Variants in SUFU observed in about 807,000 individuals in gnomAD.
The protein encoded by SUFU is suppressor of fused homolog.
A neutral mutation model predicts 58.9 loss-of-function variants in SUFU; 7 were observed. The ratio of observed to expected loss-of-function variants is 0.12; its 90% CI spans 0.07 to 0.22. The LOEUF is 0.22. Ranked by LOEUF, SUFU falls within the 10% of genes least tolerant of loss-of-function variation. SUFU has a pLI of 1.00. For missense variants in SUFU, 451 were observed against 641.3 expected (o/e 0.70, Z 3.20); for synonymous variants, 232 against 254.8 (o/e 0.91, Z 0.85).
chr10:102,540,300 A>G (rs919702859), intron 2 of SUFU, among the ~76,000 whole-genome samples: 3 of 152,120 alleles, frequency 2.0e-5, no homozygotes, highest in Non-Finnish European at 2.9e-5. Flanking sequence ...CTCTATTTCC[A>G]TATTGGTTTC....
chr10:102,613,802 G>C (rs974654870), intron 8 of SUFU, among the ~76,000 whole-genome samples: 1 of 152,226 alleles, frequency 6.6e-6, no homozygotes, highest in Non-Finnish European at 1.5e-5. Context: ...GCAAATCTTA[G>C]AATGCAAAGG....
At chr10:102,574,467 G>A (rs1272673454) in intron 3 of SUFU, among the ~76,000 whole-genome samples, 2 of 152,144 alleles carry the variant, frequency 1.3e-5, no homozygotes, top group South Asian at 4.1e-4. Context: ...CAAATATATG[G>A]CCAGGCGTTG....
intron 2 of SUFU, among the ~76,000 whole-genome samples, chr10:102,515,729 C>G (rs952897174): frequency 6.6e-6 from 1 of 152,166 alleles, no homozygotes; most frequent in Admixed American, 6.5e-5. Context: ...TCCTAGAGCT[C>G]TCATGAGGCT....
rs2063852240 is a variant in SUFU at position 102,633,204 on chromosome 10, G to A, written c.*3049G>A. ...CTAGGACATCCATGCCAGGTGAGGT[G>A]CCTGGGTCCCTGTTACAAGTCAGGA... On this transcript the variant is annotated 3_prime_UTR_variant, in exon 12 of 12. Coordinates refer to ENST00000369902, the MANE Select transcript of SUFU (RefSeq NM_016169.4). 4.3e-6 allele frequency: 1 copy of A among 233,296 alleles called. No individual in the cohort carries two copies. The highest frequency in any genetic ancestry group is 8.5e-6 in the Non-Finnish European group (1 of 117,926). 14.5% of individuals were successfully genotyped at this position (233,296 alleles called of 1,614,324 possible). A position where few individuals can be genotyped will look rare whatever the true frequency, so the allele number is the denominator to read the frequency against.
At chr10:102,566,095 G>A (rs1030248086) in intron 3 of SUFU, among the ~76,000 whole-genome samples, 2 of 152,224 alleles carry the variant, frequency 1.3e-5, no homozygotes, top group Admixed American at 6.5e-5. Context: ...GCACTTTGAT[G>A]ACTGGAAACT....
At chr10:102,545,601 AAC>A (rs2062847364) in intron 2 of SUFU, among the ~76,000 whole-genome samples, 1 of 152,124 alleles carries the variant, frequency 6.6e-6, no homozygotes. Flanking sequence ...CGTCCTCTCT[AAC>A]ACTTACTATC....
chr10:102,612,220 T>C (rs1276383870), intron 8 of SUFU, among the ~76,000 whole-genome samples: 1 of 149,314 alleles, frequency 6.7e-6, no homozygotes, highest in Non-Finnish European at 1.5e-5. Context: ...CACGCGCATG[T>C]GTGTGTGTGT....
intron 8 of SUFU, among the ~76,000 whole-genome samples, chr10:102,614,512 C>G (rs1380760650): frequency 6.7e-6 from 1 of 150,344 alleles, no homozygotes; most frequent in Non-Finnish European, 1.5e-5. Context: ...GAGCCAAGAT[C>G]GTGCCACTGC....
At position 102,569,334 on chromosome 10, in the gene SUFU, C is replaced by T. The variant is rs1334028653; in HGVS notation, c.454+19228C>T. 2.0e-5 allele frequency among the ~76,000 whole-genome samples: 3 copies of T among 152,060 alleles called. No homozygotes were observed. The East Asian group carries it at 5.8e-4, about 29-fold the overall frequency. ...AGGCACTGAGGAAGCACTGTGTAGT[C>T]TTTCAAGTCCGTAAAATAAGACACA... On this transcript the variant is annotated intron_variant, in intron 3 of 11. Coordinates refer to ENST00000369902, the MANE Select transcript of SUFU (RefSeq NM_016169.4).
chr10:102,524,387 G>A (rs1053782283), intron 2 of SUFU, among the ~76,000 whole-genome samples: 1 of 145,798 alleles, frequency 6.9e-6, no homozygotes, highest in Non-Finnish European at 1.5e-5. Context: ...GTGCAGTGGT[G>A]CAATCTCGGC....
intron 7 of SUFU, among the ~76,000 whole-genome samples, chr10:102,598,157 TC>T (rs1425931152): frequency 6.6e-6 from 1 of 152,094 alleles, no homozygotes; most frequent in Non-Finnish European, 1.5e-5. Context: ...TTGAGCCCTT[TC>T]TTTTTTTTTT....
intron 8 of SUFU, among the ~76,000 whole-genome samples, chr10:102,601,108 C>T (rs536551504): frequency 6.6e-6 from 1 of 152,238 alleles, no homozygotes; most frequent in Non-Finnish European, 1.5e-5. Context: ...TGGACACAGT[C>T]TCAGTCCAGA....
chr10:102,504,438 T>A, intron 1 of SUFU, 104 bp downstream of exon 1: 1 of 1,546,070 alleles, frequency 6.5e-7, no homozygotes, highest in South Asian at 1.2e-5. Context: ...TAGAGAATGG[T>A]TAAAGCACTC....
chr10:102,607,693 C>T lies in SUFU; in HGVS notation c.1023-7575C>T, dbSNP rs138763710. Among the ~76,000 whole-genome samples the T allele has an allele frequency of 7.2e-3, 1,090 of 152,270 alleles. 16 individuals carry two copies. The highest frequency in any genetic ancestry group is 0.011 in the South Asian group (54 of 4,832). On this transcript the variant is annotated intron_variant, in intron 8 of 11. Coordinates refer to ENST00000369902, the MANE Select transcript of SUFU (RefSeq NM_016169.4). ...CTTTGAGAGGCCAAGGCGTGCAGAT[C>T]ACTTGAGGTCAGGAGTTGGAGACTG... is the stretch of plus-strand genomic sequence containing the variant.
Position 102,619,608 on chromosome 10 carries a change from C to CT in SUFU, c.1296+2180_1296+2181insT. ...GGTTTCTCAGGCCCTTTCCAAGGAG[C>CT]CCTGGGAAACCCTCTGACCCTGCCC... On this transcript the variant is annotated intron_variant, in intron 10 of 11. Transcript: ENST00000369902. This position sits in a 1 kb window ranked among gnomAD's most constrained non-coding sequence, Gnocchi z 4.2. 1 of 663,230 alleles carries CT rather than the reference C, an allele frequency of 1.5e-6. No homozygotes were observed. The highest frequency in any genetic ancestry group is 1.9e-6 in the Non-Finnish European group (1 of 520,714). 41.1% of individuals were successfully genotyped at this position (663,230 alleles called of 1,614,324 possible).
Position 102,513,595 on chromosome 10 carries a change from C to T in SUFU, c.317+4292C>T, listed in dbSNP as rs115477006. 4.3e-3 allele frequency among the ~76,000 whole-genome samples: 653 copies of T among 152,302 alleles called. 4 individuals carry two copies. Among genetic ancestry groups the T allele is most frequent in the African/African-American group, 0.015 (606 of 41,562 alleles). On this transcript the variant is annotated intron_variant, in intron 2 of 11. Transcript: ENST00000369902. ...TGCTACAGTCCATGGGTGTAAAACA[C>T]GGTCTGGGAGCAGAGCAGAGGGAGT...
At chr10:102,526,597 C>G (rs2062610960) in intron 2 of SUFU, among the ~76,000 whole-genome samples, 1 of 152,050 alleles carries the variant, frequency 6.6e-6, no homozygotes, top group Admixed American at 6.6e-5. Context: ...TACTCTGGAG[C>G]TTACATGGGT....
chr10:102,507,727 C>G (rs1453701964), intron 1 of SUFU, among the ~76,000 whole-genome samples: 3 of 152,232 alleles, frequency 2.0e-5, no homozygotes, highest in Non-Finnish European at 4.4e-5. Flanking sequence ...GCACCATTGA[C>G]TGGGATCACT....
At chr10:102,627,078 C>G in intron 10 of SUFU, 97 bp from the exon 11 acceptor site, 1 of 1,340,110 alleles carries the variant, frequency 7.5e-7, no homozygotes, top group Non-Finnish European at 1.1e-6. Context: ...GAGCTCATCT[C>G]TCCTCCATGG....
Sources: gnomAD v4.1 joint callset for allele counts (sites outside exome capture counted in the v4.1 genomes callset) on GRCh38, gnomAD v4.1.1 for gene constraint, Gnocchi (gnomAD v3.1) non-coding constraint, MANE v1.5 for transcripts, NCBI Gene and HGNC (gene_info 2026-07-23, HGNC 2026-07-21) for gene names.